Variants in ZNF233 observed in about 807,000 individuals in gnomAD.
ZNF233 encodes zinc finger protein 233.
ZNF233 carries 7 observed loss-of-function variants against 11.6 expected under a neutral mutation model. The ratio of observed to expected loss-of-function variants is 0.60; its 90% CI spans 0.34 to 1.13. ZNF233 has a LOEUF of 1.13. ZNF233 is among the 50% of genes most tolerant of loss of function. The probability of loss-of-function intolerance (pLI) is 0.03; values close to 1 mark genes in which losing one functional copy is unlikely to be tolerated. For synonymous variants in ZNF233, 226 were observed against 268.5 expected, an observed-to-expected ratio of 0.84 and a Z score of 1.55; for missense variants, 711 against 785.5, an observed-to-expected ratio of 0.91 and a Z score of 1.13.
chr19:44,269,494 C>T (rs1419009281), intron 4 of ZNF233, among the ~76,000 whole-genome samples: 2 of 152,082 alleles, frequency 1.3e-5, no homozygotes, highest in Non-Finnish European at 2.9e-5. Context: ...TGGGGTTTCA[C>T]CATGTTGGCC....
chr19:44,266,740 C>T (rs1451329804), intron 3 of ZNF233, 126 bp from the exon 4 acceptor site: 4 of 607,028 alleles, frequency 6.6e-6, no homozygotes, highest in Non-Finnish European at 1.2e-5. Flanking sequence ...AAAAGGTATT[C>T]AGACAATAGC....
chr19:44,273,059 G>A lies in ZNF233; in HGVS notation c.399G>A (p.Leu133=), dbSNP rs759539997. 1 of 1,614,074 alleles carries A rather than the reference G, an allele frequency of 6.2e-7. No individual in the cohort carries two copies. The highest frequency in any genetic ancestry group is 2.2e-5 in the East Asian group (1 of 44,864). The part of the protein sequence containing the change: ...IINLQGKRSK[L]LKQGDSPCQV... Reference sequence around the variant, plus strand: ...ATCTTCAAGGCAAGAGGTCCAAGTTGCTAAAACAAGGTGATTCCCCCTGTC... The same window carrying A: ...ATCTTCAAGGCAAGAGGTCCAAGTTACTAAAACAAGGTGATTCCCCCTGTC... The change falls in exon 5 of 5, where the codon TTG becomes TTA. Residue 133 remains leucine, a synonymous_variant. Transcript: ENST00000683810.
In ZNF233 at chr19:44,273,225, A is replaced by G. The variant is rs1975291284; in HGVS notation, c.565A>G (p.Arg189Gly). ...TWDFWRKMYLREPQNYQSRCQ... is the reference protein window; with the variant it reads ...TWDFWRKMYLGEPQNYQSRCQ... ...GGATTTCTGGAGGAAAATGTATCTG[A>G]GAGAACCACAGAATTATCAGAGTAG... Residue 189 changes from arginine (R) to glycine (G), a missense_variant, in exon 5 of 5, where the codon AGA becomes GGA. Coordinates refer to ENST00000683810, the MANE Select transcript of ZNF233 (RefSeq NM_001207005.2). 13 of 1,613,656 alleles carry G rather than the reference A, an allele frequency of 8.1e-6. No homozygotes were observed. Among genetic ancestry groups the G allele is most frequent in the Non-Finnish European group, 8.5e-6 (10 of 1,180,038 alleles).
chr19:44,263,473 C>T (rs1430068708), intron 1 of ZNF233, among the ~76,000 whole-genome samples: 1 of 152,068 alleles, frequency 6.6e-6, no homozygotes, highest in Non-Finnish European at 1.5e-5. Context: ...TTAAGTGAGA[C>T]AGATACTGTC....
At chr19:44,272,390 T>G (rs1299880576) in intron 4 of ZNF233, among the ~76,000 whole-genome samples, 1 of 149,446 alleles carries the variant, frequency 6.7e-6, no homozygotes, top group Non-Finnish European at 1.5e-5. Context: ...TGAGTCTCAT[T>G]AACATTTTGT....
Position 44,264,373 on chromosome 19 carries a change from C to G in ZNF233, c.13C>G (p.Gln5Glu). 1 of 1,613,144 alleles carries G rather than the reference C, an allele frequency of 6.2e-7. No individual in the cohort carries two copies. The highest frequency in any genetic ancestry group is 1.7e-5 in the Admixed American group (1 of 59,772). ...GGAGCAGGAGAAAATGACCAAGTTT[C>G]AGGTGAGTTGAGTTTTGATTTTTAT... MTKF[Q>E]EMVTFKDVAV... Residue 5 changes from glutamine to glutamate, a missense_variant and splice_region_variant, in exon 2 of 5, where the codon CAG (glutamine) becomes GAG (glutamate). Transcript: ENST00000683810.
Position 44,274,566 on chromosome 19 carries a change from CA to C in ZNF233, c.1908del (p.Ala637ProfsTer69), listed in dbSNP as rs1170104429. On this transcript the variant is annotated frameshift_variant, in exon 5 of 5. Transcript: ENST00000683810. LOFTEE classifies it low-confidence loss of function (END_TRUNC). ...GAGCTTCAGTCAGACTTCACATCTT[CA>C]AGCCCATCAGAGAGTCCATACTGGA... Reference protein sequence around the residue: ...GKSFSQTSHLQAHQRVHTGEK... With the variant: ...GKSFSQTSHLXAHQRVHTGEK... 1 of 1,614,036 alleles carries C rather than the reference CA, an allele frequency of 6.2e-7. No individual in the cohort carries two copies. The highest frequency in any genetic ancestry group is 2.2e-5 in the East Asian group (1 of 44,884).
chr19:44,271,240 C>T (rs1975229314), intron 4 of ZNF233, among the ~76,000 whole-genome samples: 1 of 152,156 alleles, frequency 6.6e-6, no homozygotes, highest in African/African-American at 2.4e-5. Context: ...AATAATGGTA[C>T]TATCTTATGG....
intron 1 of ZNF233, among the ~76,000 whole-genome samples, chr19:44,262,770 T>C (rs181468662): frequency 3.9e-5 from 6 of 152,244 alleles, no homozygotes; most frequent in Admixed American, 1.3e-4. Context: ...ACTTTATGGG[T>C]GAGGAAATAG....
chr19:44,262,071 C>A (rs1453112837), intron 1 of ZNF233, among the ~76,000 whole-genome samples: 1 of 152,284 alleles, frequency 6.6e-6, no homozygotes. Flanking sequence ...AATTTAATAG[C>A]CTGAGAATTT....
At chr19:44,267,027 T>C in intron 4 of ZNF233, 66 bp downstream of exon 4, 1 of 1,265,878 alleles carries the variant, frequency 7.9e-7, no homozygotes, top group Non-Finnish European at 1.1e-6. Flanking sequence ...CACCACCTCC[T>C]CAGCCACCAG....
At chr19:44,268,867 T>C (rs975132161) in intron 4 of ZNF233, among the ~76,000 whole-genome samples, 10 of 152,128 alleles carry the variant, frequency 6.6e-5, no homozygotes, top group African/African-American at 2.2e-4. Context: ...ATACCTAAAA[T>C]ACACTAATTA....
chr19:44,264,336 C>G lies in ZNF233; in HGVS notation c.-25C>G. The G allele has an allele frequency of 6.2e-7, 1 of 1,612,850 alleles. No homozygotes were observed. The highest frequency in any genetic ancestry group is 8.5e-7 in the Non-Finnish European group (1 of 1,179,148). On this transcript the variant is annotated 5_prime_UTR_variant, in exon 2 of 5. Coordinates refer to ENST00000683810, the MANE Select transcript of ZNF233 (RefSeq NM_001207005.2). ...CAGTTCTGCCTTCCCAGGACCCTGCCCTTCCCCAGAAGGAGCAGGAGAAAA... is the reference window on the plus strand; with the variant it reads ...CAGTTCTGCCTTCCCAGGACCCTGCGCTTCCCCAGAAGGAGCAGGAGAAAA...
intron 4 of ZNF233, chr19:44,268,323 A>G (rs1975148768): frequency 6.6e-6 from 1 of 152,096 alleles, no homozygotes; most frequent in South Asian, 2.1e-4. Context: ...CATGAACGTA[A>G]GAATTTTACC....
chr19:44,260,228 G>A, intron 1 of ZNF233: 1 of 196,020 alleles, frequency 5.1e-6, no homozygotes, highest in South Asian at 6.9e-5. Context: ...TAATTTCTCC[G>A]TTTCTCCTCT....
chr19:44,263,372 G>A (rs575424762), intron 1 of ZNF233, among the ~76,000 whole-genome samples: 3 of 152,002 alleles, frequency 2.0e-5, no homozygotes, highest in African/African-American at 7.2e-5. Flanking sequence ...TGTCTCTATG[G>A]TTTAGCCTAG....
Position 44,273,982 on chromosome 19 carries a change from T to C in ZNF233, c.1322T>C (p.Leu441Pro). 6.2e-7 allele frequency: 1 copy of C among 1,613,412 alleles called. No individual in the cohort carries two copies. ...SDRIFNRNSGLHQRVHTGEKP... is the reference protein window; with the variant it reads ...SDRIFNRNSGPHQRVHTGEKP... ...AGGATATTTAATAGGAATTCTGGTCTTCACCAGAGAGTTCACACTGGAGAG... is the reference window on the plus strand; with the variant it reads ...AGGATATTTAATAGGAATTCTGGTCCTCACCAGAGAGTTCACACTGGAGAG... The change falls in exon 5 of 5, where the codon CTT becomes CCT. Residue 441 changes from leucine to proline, a missense_variant. Transcript: ENST00000683810.
Position 44,273,296 on chromosome 19 carries a change from T to C in ZNF233, c.636T>C (p.His212=), listed in dbSNP as rs1346532513. 16 of 1,613,984 alleles carry C rather than the reference T, an allele frequency of 9.9e-6. No individual in the cohort carries two copies. Among genetic ancestry groups the C allele is most frequent in the African/African-American group, 2.7e-5 (2 of 74,906 alleles). ...AAAATAAGCTCTGTAAATGTGATCATTGTGTTAGGCAAAGAATTGCTCATC... is the reference window on the plus strand; with the variant it reads ...AAAATAAGCTCTGTAAATGTGATCACTGTGTTAGGCAAAGAATTGCTCATC... ...DVKNKLCKCD[H]CVRQRIAHQH... The change falls in exon 5 of 5, where the codon CAT becomes CAC. Residue 212 remains histidine, a synonymous_variant. Transcript: ENST00000683810.
chr19:44,264,113 G>T (rs773581102), intron 1 of ZNF233, among the ~76,000 whole-genome samples: 39 of 152,226 alleles, frequency 2.6e-4, no homozygotes, highest in Middle Eastern at 3.4e-3. Flanking sequence ...GCTAATTATT[G>T]TATTTTTTTG....
Sources: gnomAD v4.1 joint callset for allele counts (sites outside exome capture counted in the v4.1 genomes callset) on GRCh38, gnomAD v4.1.1 for gene constraint, MANE v1.5 for transcripts, NCBI Gene and HGNC (gene_info 2026-07-23, HGNC 2026-07-21) for gene names.